Variants in KCNN2 observed in about 807,000 individuals in gnomAD.
The protein encoded by KCNN2 is potassium calcium-activated channel subfamily N member 2.
In KCNN2, 24 loss-of-function variants were observed where a neutral mutation model predicts 55.5. The ratio of observed to expected loss-of-function variants is 0.43; its 90% CI spans 0.31 to 0.61. The LOEUF is 0.61. Ranked by LOEUF, KCNN2 falls within the 20% of genes least tolerant of loss-of-function variation. KCNN2 has a pLI of 0.08. For missense variants in KCNN2, 754 were observed against 853.6 expected (o/e 0.88, Z 1.45); for synonymous variants, 431 against 336.1 (o/e 1.28, Z -3.09).
intron 6 of KCNN2, among the ~76,000 whole-genome samples, chr5:114,487,956 G>T (rs1381807707): frequency 3.3e-5 from 5 of 152,152 alleles, no homozygotes; most frequent in African/African-American, 1.2e-4. Context: ...GTAATGGAAA[G>T]GTGGGTAAAT....
chr5:114,306,697 T>TA (rs1756281360), intron 2 of KCNN2, among the ~76,000 whole-genome samples: 1 of 115,952 alleles, frequency 8.6e-6, no homozygotes, highest in African/African-American at 3.2e-5. Context: ...ATTTTTTTTT[T>TA]TTCTTTTTTT....
intron 2 of KCNN2, among the ~76,000 whole-genome samples, chr5:114,253,995 A>G (rs578253336): frequency 6.6e-6 from 1 of 152,326 alleles, no homozygotes; most frequent in East Asian, 1.9e-4. Context: ...CAACATGATC[A>G]TTAAAGGAGG....
chr5:114,162,269 C>A (rs148336461), intron 1 of KCNN2, among the ~76,000 whole-genome samples: 8 of 152,282 alleles, frequency 5.3e-5, no homozygotes, highest in African/African-American at 1.9e-4. Context: ...GAGGTCCACT[C>A]CAGACCCTGT....
At chr5:114,196,324 A>G (rs1174792444) in intron 1 of KCNN2, among the ~76,000 whole-genome samples, 1 of 151,960 alleles carries the variant, frequency 6.6e-6, no homozygotes, top group African/African-American at 2.4e-5. Context: ...ATTGTTCTAT[A>G]CTTTTTATTT....
At chr5:114,262,670 G>T (rs1561545181) in intron 2 of KCNN2, among the ~76,000 whole-genome samples, 1 of 152,180 alleles carries the variant, frequency 6.6e-6, no homozygotes, top group Non-Finnish European at 1.5e-5. Flanking sequence ...GCTTAGAATA[G>T]CAGGTGAAAC....
At chr5:114,144,709 T>C (rs1165071109) in intron 1 of KCNN2, among the ~76,000 whole-genome samples, 2 of 151,994 alleles carry the variant, frequency 1.3e-5, no homozygotes, top group Non-Finnish European at 1.5e-5. Context: ...TCTTTCCTAC[T>C]AATAACATAT....
At chr5:114,271,780 C>T (rs868801612) in intron 2 of KCNN2, among the ~76,000 whole-genome samples, 2 of 152,088 alleles carry the variant, frequency 1.3e-5, no homozygotes, top group Non-Finnish European at 2.9e-5. Context: ...TGGTTAGAAG[C>T]TTGGGCTTCT....
At chr5:114,315,191 G>T (rs1173822424) in intron 2 of KCNN2, among the ~76,000 whole-genome samples, 1 of 152,128 alleles carries the variant, frequency 6.6e-6, no homozygotes, top group African/African-American at 2.4e-5. Context: ...CTTGTATGTT[G>T]TGTTGTGGGT....
At chr5:114,067,575 C>G (rs1750477994) in intron 1 of KCNN2, among the ~76,000 whole-genome samples, 1 of 151,898 alleles carries the variant, frequency 6.6e-6, no homozygotes, top group African/African-American at 2.4e-5. Flanking sequence ...TTTTAAGATT[C>G]TAGTCAGAAT....
At chr5:114,482,120 G>T (rs1319066658) in intron 5 of KCNN2, among the ~76,000 whole-genome samples, 1 of 152,156 alleles carries the variant, frequency 6.6e-6, no homozygotes, top group Admixed American at 6.5e-5. Context: ...GAAAATGTTT[G>T]CAATCTGTCC....
intron 2 of KCNN2, among the ~76,000 whole-genome samples, chr5:114,340,668 A>G (rs376703179): frequency 2.0e-5 from 3 of 150,550 alleles, no homozygotes; most frequent in African/African-American, 4.9e-5. Flanking sequence ...GTGTGTGTGC[A>G]TGTGTGTGTG....
At position 114,496,419 on chromosome 5, in the gene KCNN2, T is replaced by A; in HGVS notation, c.*237T>A. The A allele has an allele frequency of 2.3e-6, 1 of 431,772 alleles. No individual in the cohort carries two copies. The highest frequency in any genetic ancestry group is 3.6e-5 in the East Asian group (1 of 27,464). 26.7% of individuals were successfully genotyped at this position (431,772 alleles called of 1,614,324 possible). On this transcript the variant is annotated 3_prime_UTR_variant, in exon 8 of 8. Coordinates refer to ENST00000673685, the MANE Select transcript of KCNN2 (RefSeq NM_021614.4). ...TAGATTGTTCCTCCTGTAATTTCAC[T>A]AACTTTTTATTCATGCACTTCAAAC...
intron 2 of KCNN2, among the ~76,000 whole-genome samples, chr5:114,400,978 T>C (rs1758768838): frequency 6.7e-6 from 1 of 149,586 alleles, no homozygotes; most frequent in African/African-American, 2.5e-5. Flanking sequence ...ACTATGTTTT[T>C]TTTTTTCTTT....
intron 2 of KCNN2, among the ~76,000 whole-genome samples, chr5:114,318,568 CATA>C (rs1333357759): frequency 6.6e-6 from 1 of 151,096 alleles, no homozygotes; most frequent in Non-Finnish European, 1.5e-5. Flanking sequence ...ATGATAATAT[CATA>C]ATGTAATTTT....
intron 1 of KCNN2, among the ~76,000 whole-genome samples, chr5:114,083,323 G>T (rs1198799136): frequency 6.6e-6 from 1 of 151,722 alleles, no homozygotes; most frequent in Non-Finnish European, 1.5e-5. Flanking sequence ...AGCTTTTTAA[G>T]ATAGAAGCTT....
chr5:114,370,187 G>A (rs1757720357), intron 2 of KCNN2, among the ~76,000 whole-genome samples: 2 of 152,076 alleles, frequency 1.3e-5, no homozygotes, highest in Non-Finnish European at 2.9e-5. Context: ...TGTCCTTTAT[G>A]TCATTGTTAA....
intron 2 of KCNN2, among the ~76,000 whole-genome samples, chr5:114,311,052 C>A (rs760994367): frequency 5.8e-4 from 88 of 151,982 alleles, no homozygotes; most frequent in Non-Finnish European, 1.0e-3. Context: ...TAGTTTTCTG[C>A]AAATTTGGGC....
intron 3 of KCNN2, among the ~76,000 whole-genome samples, chr5:114,405,090 T>C (rs1345300583): frequency 2.0e-5 from 3 of 152,218 alleles, no homozygotes; most frequent in African/African-American, 7.2e-5. Flanking sequence ...AGTAGAGGGC[T>C]GCCTTTATAA....
rs1184050505 is a variant in KCNN2, at chr5:114,214,221, C to T, written c.-270-7259C>T. ...TGCCATACAGTCTCTGTTGAAATTA[C>T]TCAGATATGTCATTGTAGCATGAAG... On this transcript the variant is annotated intron_variant, in intron 1 of 10. Transcript: ENST00000512097. Among the ~76,000 whole-genome samples, 13 of 151,984 alleles carry T rather than the reference C, an allele frequency of 8.6e-5. No homozygotes were observed. The East Asian group carries it at 2.5e-3, about 30-fold the overall frequency.
Sources: gnomAD v4.1 joint callset for allele counts (sites outside exome capture counted in the v4.1 genomes callset) on GRCh38, gnomAD v4.1.1 for gene constraint, MANE v1.5 for transcripts, NCBI Gene and HGNC (gene_info 2026-07-23, HGNC 2026-07-21) for gene names.